Variants in EFCAB7 observed in about 807,000 individuals in gnomAD.
The protein encoded by EFCAB7 is EF-hand calcium binding domain 7, also known as EF-hand calcium-binding domain-containing protein 7.
In EFCAB7, 66 loss-of-function variants were observed where a neutral mutation model predicts 77.1. The observed-to-expected ratio is 0.86, with a 90% confidence interval of 0.70 to 1.05. The LOEUF is 1.05. Ranked by LOEUF, EFCAB7 falls within the 50% of genes least tolerant of loss-of-function variation. EFCAB7 has a pLI of 0.00. For missense variants in EFCAB7, 638 were observed against 730.5 expected (o/e 0.87, Z 1.46); for synonymous variants, 225 against 243.3 (o/e 0.92, Z 0.70).
chr1:63,565,345 C>G (rs905182202), intron 11 of EFCAB7, among the ~76,000 whole-genome samples: 1 of 148,828 alleles, frequency 6.7e-6, no homozygotes, highest in South Asian at 2.1e-4. Flanking sequence ...GGCGAGAGTG[C>G]GAGACTCCGT....
downstream of EFCAB7, among the ~76,000 whole-genome samples, chr1:63,574,011 A>G (rs1647341255): frequency 6.6e-6 from 1 of 152,178 alleles, no homozygotes; most frequent in Admixed American, 6.5e-5. Flanking sequence ...AGAAGCGAAG[A>G]AATGACCGCG....
At chr1:63,523,968 T>C (rs1165932575) in intron 1 of EFCAB7, among the ~76,000 whole-genome samples, 2 of 152,102 alleles carry the variant, frequency 1.3e-5, no homozygotes, top group East Asian at 1.9e-4. Flanking sequence ...TTTGCTGCAA[T>C]GTACTCTCTA....
the EFCAB7 span, among the ~76,000 whole-genome samples, chr1:63,584,548 T>C: frequency 5.9e-5 from 9 of 152,144 alleles, no homozygotes; most frequent in African/African-American, 2.2e-4. Flanking sequence ...CAAGATCTTG[T>C]CTTGAAAAAA....
downstream of EFCAB7, among the ~76,000 whole-genome samples, chr1:63,575,099 CTAAT>C (rs1429760887): frequency 6.6e-6 from 1 of 152,076 alleles, no homozygotes; most frequent in Non-Finnish European, 1.5e-5. Flanking sequence ...ATTAAAAAAA[CTAAT>C]TATCTAACAT....
chr1:63,525,679 A>G lies in EFCAB7; in HGVS notation c.107A>G (p.Tyr36Cys), dbSNP rs894224072. The G allele has an allele frequency of 1.9e-6, 3 of 1,602,542 alleles. No homozygotes were observed. The highest frequency in any genetic ancestry group is 2.5e-6 in the Non-Finnish European group (3 of 1,177,594). The change falls in exon 2 of 14, where the codon TAT (tyrosine) becomes TGT (cysteine). Residue 36 changes from tyrosine (Y) to cysteine (C), a missense_variant. By Grantham distance (194) the Tyr-to-Cys change is radical. Coordinates refer to ENST00000371088, the MANE Select transcript of EFCAB7 (RefSeq NM_032437.4). The part of the protein sequence containing the change: ...KFPLTEEEIF[Y>C]MNCRAAYLTV... ...CCACTAACTGAAGAGGAAATATTTT[A>G]TATGAATTGTAGAGCTGCCTACTTA...
chr1:63,538,998 A>G (rs1463677903), intron 6 of EFCAB7, among the ~76,000 whole-genome samples: 1 of 152,212 alleles, frequency 6.6e-6, no homozygotes, highest in Non-Finnish European at 1.5e-5. Context: ...TATAGTATGT[A>G]GTTTGGCTGT....
intron 9 of EFCAB7, among the ~76,000 whole-genome samples, chr1:63,555,889 G>T (rs1647025005): frequency 6.6e-6 from 1 of 152,092 alleles, no homozygotes; most frequent in South Asian, 2.1e-4. Context: ...GATTACAGGG[G>T]CTTGCCAGCA....
At chr1:63,551,560 C>T (rs1417916430) in intron 7 of EFCAB7, among the ~76,000 whole-genome samples, 165 bp from the exon 8 acceptor site, 1 of 151,282 alleles carries the variant, frequency 6.6e-6, no homozygotes, top group Non-Finnish European at 1.5e-5. Context: ...CACTGCATTC[C>T]AGGCTGGGTG....
intron 8 of EFCAB7, among the ~76,000 whole-genome samples, chr1:63,554,495 A>G (rs1647005020): frequency 6.6e-6 from 1 of 152,150 alleles, no homozygotes; most frequent in Non-Finnish European, 1.5e-5. Flanking sequence ...GCCCGCCACC[A>G]TGCCCAGCTA....
chr1:63,565,358 CAAAA>C (rs368587363), intron 11 of EFCAB7, among the ~76,000 whole-genome samples: 2 of 129,240 alleles, frequency 1.5e-5, no homozygotes, highest in South Asian at 4.8e-4. Flanking sequence ...GACTCCGTCT[CAAAA>C]AAAAAAACAA....
chr1:63,555,996 T>C (rs1239253477), intron 9 of EFCAB7, among the ~76,000 whole-genome samples: 1 of 152,028 alleles, frequency 6.6e-6, no homozygotes, highest in Non-Finnish European at 1.5e-5. Context: ...CCTCAACCTT[T>C]CAAAGTGCTG....
At chr1:63,549,277 C>T (rs888553445) in intron 7 of EFCAB7, 8 of 461,610 alleles carry the variant, frequency 1.7e-5, no homozygotes, top group Non-Finnish European at 2.7e-5. Flanking sequence ...CTCTACTTAC[C>T]TCAGCAATTC....
chr1:63,565,259 T>C (rs1186226543), intron 11 of EFCAB7, among the ~76,000 whole-genome samples: 2 of 151,746 alleles, frequency 1.3e-5, no homozygotes, highest in Non-Finnish European at 2.9e-5. Context: ...CTCGGGAGGC[T>C]GAGGCAGGAG....
chr1:63,555,367 T>G lies in EFCAB7; in HGVS notation c.1066T>G (p.Trp356Gly), dbSNP rs1296691376. The G allele has an allele frequency of 6.2e-7, 1 of 1,610,746 alleles. No homozygotes were observed. Among genetic ancestry groups the G allele is most frequent in the East Asian group, 2.2e-5 (1 of 44,810 alleles). The stretch of plus-strand genomic sequence containing the variant: ...ATTGTTTTGAGAAAAGGTGTTTGGA[T>G]GGACTGGTGAACTAGGACCTGGAAT... ...TELRNREVFG[W>G]TGELGPGIYW... Residue 356 changes from tryptophan (W) to glycine (G), a missense_variant, in exon 9 of 14, where the codon TGG (tryptophan) becomes GGG (glycine). By Grantham distance (184) the Trp-to-Gly change is radical. Transcript: ENST00000371088.
chr1:63,549,175 A>G (rs1172561990), intron 7 of EFCAB7: 2 of 295,472 alleles, frequency 6.8e-6, no homozygotes, highest in Non-Finnish European at 1.4e-5. Context: ...GAACAGCCTC[A>G]CTTCTTTGAT....
At chr1:63,545,616 GCCA>G (rs1290092982) in intron 6 of EFCAB7, among the ~76,000 whole-genome samples, 1 of 152,058 alleles carries the variant, frequency 6.6e-6, no homozygotes, top group African/African-American at 2.4e-5. Context: ...ACAGGCATGT[GCCA>G]CCACGCCCGG....
At chr1:63,538,538 C>T (rs1646790375) in intron 6 of EFCAB7, among the ~76,000 whole-genome samples, 1 of 152,012 alleles carries the variant, frequency 6.6e-6, no homozygotes, top group South Asian at 2.1e-4. Flanking sequence ...ACTGCAACCT[C>T]CGCCTCCCGA....
chr1:63,544,022 TGTA>T (rs1646863017), intron 6 of EFCAB7, among the ~76,000 whole-genome samples: 1 of 147,868 alleles, frequency 6.8e-6, no homozygotes. Flanking sequence ...CAGGCTGGAG[TGTA>T]GTGGCATGAT....
chr1:63,581,771 GA>G, the EFCAB7 span, among the ~76,000 whole-genome samples: 1 of 152,060 alleles, frequency 6.6e-6, no homozygotes, highest in Non-Finnish European at 1.5e-5. Flanking sequence ...AAAAAAGCAA[GA>G]AAAAGTTAGG....
Sources: allele counts gnomAD v4.1 joint callset (sites outside exome capture counted in the v4.1 genomes callset), GRCh38; gene constraint gnomAD v4.1.1; transcripts MANE v1.5; gene names NCBI Gene and HGNC (gene_info 2026-07-23, HGNC 2026-07-21).